The following ARHGAP26 variants were observed in gnomAD, a reference collection of about 807,000 sequenced individuals.
The protein encoded by ARHGAP26 is rho GTPase-activating protein 26.
Under a neutral mutation model 104.8 loss-of-function variants are expected in ARHGAP26, and 38 were observed. The observed-to-expected ratio is 0.36, with a 90% CI of 0.28 to 0.48. The LOEUF (loss-of-function observed/expected upper bound fraction) is 0.48. Ranked by LOEUF, ARHGAP26 falls within the 20% of genes least tolerant of loss-of-function variation. The pLI, the probability that ARHGAP26 is intolerant of heterozygous loss-of-function variation, is 0.99. For missense variants in ARHGAP26, 704 were observed against 947.9 expected, an observed-to-expected ratio of 0.74 and a Z score of 3.38; for synonymous variants, 341 against 340.0, an observed-to-expected ratio of 1.00 and a Z score of -0.03.
intron 1 of ARHGAP26, chr5:142,772,941 A>G (rs879681865): frequency 1.7e-5 from 9 of 531,448 alleles, no homozygotes; most frequent in Admixed American, 9.7e-5. Context: ...ATAGAGTTGA[A>G]GTGTTATTTA....
At chr5:143,160,287 CT>C (rs1421506850) in intron 20 of ARHGAP26, among the ~76,000 whole-genome samples, 1 of 151,946 alleles carries the variant, frequency 6.6e-6, no homozygotes, top group Non-Finnish European at 1.5e-5. Context: ...TCTCAATCTC[CT>C]GACCTCACGA....
intron 1 of ARHGAP26, among the ~76,000 whole-genome samples, chr5:142,841,116 A>T (rs1443647196): frequency 6.6e-6 from 1 of 152,122 alleles, no homozygotes. Context: ...TACCCCACCC[A>T]TACAATAAAG....
intron 11 of ARHGAP26, among the ~76,000 whole-genome samples, chr5:142,997,569 C>G (rs1004395297): frequency 1.3e-4 from 17 of 134,326 alleles, no homozygotes; most frequent in African/African-American, 4.6e-4. Context: ...CCACCCATGC[C>G]TGGCTGATTT....
chr5:143,182,720 C>T (rs1481867794), intron 20 of ARHGAP26, among the ~76,000 whole-genome samples: 1 of 152,162 alleles, frequency 6.6e-6, no homozygotes, highest in Non-Finnish European at 1.5e-5. Flanking sequence ...GCTATAAAGA[C>T]AAATCCCTTG....
chr5:143,185,264 C>G (rs755087516), intron 20 of ARHGAP26, among the ~76,000 whole-genome samples: 9 of 152,152 alleles, frequency 5.9e-5, no homozygotes, highest in Non-Finnish European at 1.3e-4. Flanking sequence ...AAGAAAGGTT[C>G]TAAAATAGTC....
intron 20 of ARHGAP26, among the ~76,000 whole-genome samples, chr5:143,180,048 C>T (rs1804077313): frequency 6.6e-6 from 1 of 152,196 alleles, no homozygotes; most frequent in Non-Finnish European, 1.5e-5. Flanking sequence ...ATCTCTCTGT[C>T]TCAAAGGAGC....
chr5:143,046,600 C>T (rs1489689181), intron 14 of ARHGAP26, among the ~76,000 whole-genome samples: 1 of 152,208 alleles, frequency 6.6e-6, no homozygotes, highest in African/African-American at 2.4e-5. Context: ...CTCTCAAAGA[C>T]TTGCAGATTC....
chr5:142,936,123 A>G (rs1004065109), intron 11 of ARHGAP26, among the ~76,000 whole-genome samples: 3 of 151,700 alleles, frequency 2.0e-5, no homozygotes, highest in Admixed American at 6.6e-5. Flanking sequence ...ACACACACAC[A>G]CACACACACA....
At chr5:143,093,516 C>G (rs1182485946) in intron 17 of ARHGAP26, among the ~76,000 whole-genome samples, 1 of 152,108 alleles carries the variant, frequency 6.6e-6, no homozygotes, top group African/African-American at 2.4e-5. Flanking sequence ...CTTTCTTTCT[C>G]TCTTTGACTT....
intron 21 of ARHGAP26, among the ~76,000 whole-genome samples, chr5:143,213,421 C>T (rs1013052901): frequency 2.4e-5 from 3 of 124,532 alleles, no homozygotes; most frequent in African/African-American, 4.3e-5. Context: ...CTATTCCCTC[C>T]CCTGGGGGTT....
rs536011862 is a variant in ARHGAP26 at position 142,980,450 on chromosome 5, G to A, written c.1108-33630G>A. Reference sequence around the variant, plus strand: ...GTTGCCCAGGCTGGAGTGCGGTGGTGCGATCTAGGCTCACTGCAACCTCCG... The same window carrying A: ...GTTGCCCAGGCTGGAGTGCGGTGGTACGATCTAGGCTCACTGCAACCTCCG... On this transcript the variant is annotated intron_variant, in intron 11 of 22. Transcript: ENST00000645722. Among the ~76,000 whole-genome samples the A allele has an allele frequency of 3.3e-5, 5 of 151,450 alleles. No homozygotes were observed. The South Asian group carries it at 6.3e-4, about 19-fold the overall frequency.
intron 17 of ARHGAP26, among the ~76,000 whole-genome samples, chr5:143,083,114 A>ACTTTTTCTTCGTCTTCTTC (rs1790050701): frequency 6.6e-6 from 1 of 152,164 alleles, no homozygotes; most frequent in Admixed American, 6.5e-5. Flanking sequence ...AGAGCTGGAG[A>ACTTTTTCTTCGTCTTCTTC]CTTTTTCTTC....
intron 11 of ARHGAP26, among the ~76,000 whole-genome samples, chr5:142,983,884 AT>A (rs1774307087): frequency 6.6e-6 from 1 of 152,198 alleles, no homozygotes; most frequent in South Asian, 2.1e-4. Flanking sequence ...TTTTCATTTA[AT>A]TTTTTATATT....
At chr5:143,128,993 G>A (rs1797021161) in intron 18 of ARHGAP26, among the ~76,000 whole-genome samples, 1 of 152,104 alleles carries the variant, frequency 6.6e-6, no homozygotes, top group Non-Finnish European at 1.5e-5. Flanking sequence ...AATTGCAGGC[G>A]CATGTGACAG....
chr5:142,772,740 G>T (rs761941270), intron 1 of ARHGAP26: 3 of 533,460 alleles, frequency 5.6e-6, no homozygotes, highest in African/African-American at 1.9e-5. Flanking sequence ...GTCCCTGCCA[G>T]TGCAGAGCTC....
chr5:143,206,327 T>C (rs1010323237), intron 20 of ARHGAP26, among the ~76,000 whole-genome samples: 3 of 152,232 alleles, frequency 2.0e-5, no homozygotes, highest in African/African-American at 7.2e-5. Flanking sequence ...CACAGAGTTG[T>C]GAAGGTGCTT....
chr5:142,842,140 G>T (rs866257898), intron 1 of ARHGAP26, among the ~76,000 whole-genome samples: 1 of 152,130 alleles, frequency 6.6e-6, no homozygotes, highest in Admixed American at 6.5e-5. Context: ...GTCATGATTC[G>T]CTTTGGGAAA....
chr5:143,174,224 GT>G (rs1279143390), intron 20 of ARHGAP26, among the ~76,000 whole-genome samples: 4 of 152,196 alleles, frequency 2.6e-5, no homozygotes, highest in African/African-American at 9.7e-5. Flanking sequence ...ATCCGGTTGG[GT>G]ATGTTGTTGT....
At chr5:142,991,839 C>A (rs1775665294) in intron 11 of ARHGAP26, among the ~76,000 whole-genome samples, 1 of 152,162 alleles carries the variant, frequency 6.6e-6, no homozygotes, top group South Asian at 2.1e-4. Flanking sequence ...CCTAACAACG[C>A]ATTTCTCAGA....
Sources: gnomAD v4.1 joint callset for allele counts (sites outside exome capture counted in the v4.1 genomes callset) on GRCh38, gnomAD v4.1.1 for gene constraint, MANE v1.5 for transcripts, NCBI Gene and HGNC (gene_info 2026-07-23, HGNC 2026-07-21) for gene names.